CDH2: variants seen among roughly 807,000 people sequenced by gnomAD.
CDH2 encodes the protein cadherin 2.
In CDH2, 17 loss-of-function variants were observed where a neutral mutation model predicts 92.0. The observed-to-expected ratio is 0.18, with a 90% CI of 0.13 to 0.28. The LOEUF is 0.28. Ranked by LOEUF, CDH2 falls within the 10% of genes least tolerant of loss-of-function variation. The probability of loss-of-function intolerance (pLI) is 1.00; values close to 1 mark genes in which losing one functional copy is unlikely to be tolerated. For synonymous variants in CDH2, 419 were observed against 415.9 expected, an observed-to-expected ratio of 1.01 and a Z score of -0.09; for missense variants, 862 against 1,133.1, an observed-to-expected ratio of 0.76 and a Z score of 3.44.
intron 7 of CDH2, among the ~76,000 whole-genome samples, chr18:27,997,993 G>A (rs373312907): frequency 5.4e-4 from 82 of 151,940 alleles, no homozygotes; most frequent in East Asian, 1.4e-3. Context: ...TTTTTAGTAG[G>A]GATGGGGTTT....
Position 28,177,087 on chromosome 18 carries a change from A to G in CDH2, c.-65T>C. On this transcript the variant is annotated 5_prime_UTR_variant, in exon 1 of 16. Transcript: ENST00000269141. ...GCGGCGGCGGCGGCGGCGGCGGAGG[A>G]GGAGGAGGCAGCGGCAGCACCAACA... The G allele has an allele frequency of 1.7e-6, 2 of 1,195,964 alleles. No individual in the cohort carries two copies. The highest frequency in any genetic ancestry group is 1.4e-5 in the South Asian group (1 of 69,282). 74.1% of individuals were successfully genotyped at this position (1,195,964 alleles called of 1,614,324 possible). A position where few individuals can be genotyped will look rare whatever the true frequency, so the allele number is the denominator to read the frequency against.
chr18:28,164,314 T>C (rs1329775193), intron 1 of CDH2, among the ~76,000 whole-genome samples: 1 of 152,200 alleles, frequency 6.6e-6, no homozygotes, highest in African/African-American at 2.4e-5. Flanking sequence ...TTTGGTGTCC[T>C]AATATGTAAA....
chr18:27,979,739 A>C (rs976096903), intron 14 of CDH2, among the ~76,000 whole-genome samples: 1 of 146,590 alleles, frequency 6.8e-6, no homozygotes, highest in African/African-American at 2.5e-5. Flanking sequence ...CATTTACATA[A>C]AAGTCAAAAA....
At chr18:28,121,930 G>T (rs1239288698) in intron 2 of CDH2, among the ~76,000 whole-genome samples, 1 of 152,022 alleles carries the variant, frequency 6.6e-6, no homozygotes, top group Non-Finnish European at 1.5e-5. Context: ...AGAGAGTTTG[G>T]GAACTGCAAT....
At chr18:28,074,642 C>T (rs917230183) in intron 2 of CDH2, among the ~76,000 whole-genome samples, 2 of 149,798 alleles carry the variant, frequency 1.3e-5, no homozygotes, top group African/African-American at 4.9e-5. Flanking sequence ...TTATATTTTA[C>T]ATGTTTATAA....
At chr18:28,117,650 G>A (rs769524207) in intron 2 of CDH2, among the ~76,000 whole-genome samples, 4 of 152,086 alleles carry the variant, frequency 2.6e-5, no homozygotes, top group African/African-American at 4.8e-5. Context: ...GGTGGCTCTT[G>A]AAAAATGCTC....
At chr18:28,030,762 T>C (rs1438982193) in intron 2 of CDH2, among the ~76,000 whole-genome samples, 1 of 151,800 alleles carries the variant, frequency 6.6e-6, no homozygotes, top group African/African-American at 2.4e-5. Flanking sequence ...AAAACAAAAA[T>C]CTTATTCATA....
chr18:27,992,059 G>A (rs779383353), intron 9 of CDH2, among the ~76,000 whole-genome samples: 20 of 152,174 alleles, frequency 1.3e-4, no homozygotes, highest in Non-Finnish European at 2.4e-4. Context: ...TTAACGTCTC[G>A]GAAATAGCAT....
At chr18:28,133,496 C>G (rs1423841727) in intron 2 of CDH2, among the ~76,000 whole-genome samples, 1 of 147,014 alleles carries the variant, frequency 6.8e-6, no homozygotes, top group Non-Finnish European at 1.5e-5. Context: ...GCAGGAGAAT[C>G]GCTTGAACCT....
intron 15 of CDH2, among the ~76,000 whole-genome samples, chr18:27,955,037 C>G (rs1003209805): frequency 1.3e-5 from 2 of 152,000 alleles, no homozygotes; most frequent in Admixed American, 1.3e-4. Context: ...GAGAATGGGT[C>G]CCTGAAAACA....
chr18:27,945,287 TG>T (rs1245431244), intron 6 of CDH2, among the ~76,000 whole-genome samples: 2 of 144,988 alleles, frequency 1.4e-5, no homozygotes, highest in Non-Finnish European at 3.0e-5. Flanking sequence ...CCTTTCATAA[TG>T]GGGGTCAATC....
intron 2 of CDH2, among the ~76,000 whole-genome samples, chr18:28,109,208 G>C (rs867955853): frequency 1.3e-5 from 2 of 152,070 alleles, no homozygotes; most frequent in African/African-American, 4.8e-5. Context: ...ATAGAAACAA[G>C]GTATCTATGC....
intron 2 of CDH2, among the ~76,000 whole-genome samples, chr18:28,133,136 T>C (rs2015800296): frequency 6.6e-6 from 1 of 152,190 alleles, no homozygotes; most frequent in South Asian, 2.1e-4. Context: ...TAGCATGGTA[T>C]GTCACAAAAA....
At chr18:28,000,160 G>A (rs2012720594) in intron 7 of CDH2, among the ~76,000 whole-genome samples, 1 of 152,252 alleles carries the variant, frequency 6.6e-6, no homozygotes, top group South Asian at 2.1e-4. Context: ...CTGCAGTGCA[G>A]TGGTGCAATC....
At chr18:27,987,506 T>G (rs2012273136) in intron 11 of CDH2, among the ~76,000 whole-genome samples, 1 of 152,188 alleles carries the variant, frequency 6.6e-6, no homozygotes, top group Non-Finnish European at 1.5e-5. Context: ...ATGCAAAATA[T>G]TTTACAATTT....
At chr18:28,047,734 T>C (rs1339858816) in intron 2 of CDH2, among the ~76,000 whole-genome samples, 1 of 151,600 alleles carries the variant, frequency 6.6e-6, no homozygotes, top group Non-Finnish European at 1.5e-5. Context: ...CCGGGCGTGG[T>C]GGCGGGTGCC....
chr18:27,947,339 A>C (rs1358269064), downstream of CDH2, among the ~76,000 whole-genome samples: 1 of 151,870 alleles, frequency 6.6e-6, no homozygotes, highest in Non-Finnish European at 1.5e-5. Context: ...ATGTTTAGTG[A>C]AATTCCATGA....
chr18:27,967,341 A>G (rs2011555502), intron 14 of CDH2, among the ~76,000 whole-genome samples: 1 of 152,174 alleles, frequency 6.6e-6, no homozygotes, highest in Admixed American at 6.5e-5. Context: ...AGACCTTTTG[A>G]TAAAAAACGC....
chr18:28,135,132 C>A (rs771431747), intron 2 of CDH2, among the ~76,000 whole-genome samples: 1 of 152,180 alleles, frequency 6.6e-6, no homozygotes, highest in Non-Finnish European at 1.5e-5. Context: ...CCTGTTCTAC[C>A]TGACTCATAG....
Sources: gnomAD v4.1 joint callset for allele counts (sites outside exome capture counted in the v4.1 genomes callset) on GRCh38, gnomAD v4.1.1 for gene constraint, MANE v1.5 for transcripts, NCBI Gene and HGNC (gene_info 2026-07-23, HGNC 2026-07-21) for gene names.